Variants in SLC45A2 observed in about 807,000 individuals in gnomAD.
The protein encoded by SLC45A2 is solute carrier family 45 member 2.
A neutral mutation model predicts 45.5 loss-of-function variants in SLC45A2; 36 were observed. The ratio of observed to expected loss-of-function variants is 0.79; its 90% confidence interval spans 0.61 to 1.04. SLC45A2 has a LOEUF of 1.04. Ranked by LOEUF, SLC45A2 falls within the 50% of genes least tolerant of loss-of-function variation. SLC45A2 has a pLI of 0.00. For missense variants in SLC45A2, 719 were observed against 671.0 expected (o/e 1.07, Z -0.79); for synonymous variants, 306 against 269.3 (o/e 1.14, Z -1.33).
At position 33,954,344 on chromosome 5, in the gene SLC45A2, A is replaced by G; in HGVS notation, c.1032+17T>C. 6.2e-7 allele frequency: 1 copy of G among 1,613,952 alleles called. No individual in the cohort carries two copies. The highest frequency in any genetic ancestry group is 1.1e-5 in the South Asian group (1 of 91,078). ...ATGATGTGTAACAGTGATTGTGTGC[A>G]CAGACACGTTCATTACCTGGCCCAT... On this transcript the variant is annotated intron_variant, in intron 4 of 6. Coordinates refer to ENST00000296589, the MANE Select transcript of SLC45A2 (RefSeq NM_016180.5).
intron 2 of SLC45A2, among the ~76,000 whole-genome samples, chr5:33,971,778 C>A (rs558730320): frequency 1.3e-5 from 2 of 152,106 alleles, no homozygotes; most frequent in Non-Finnish European, 2.9e-5. Context: ...AGGCATGCAC[C>A]CCCATGCCTG....
intron 2 of SLC45A2, 81 bp from the exon 3 acceptor site, chr5:33,964,097 G>C: frequency 2.8e-6 from 4 of 1,452,804 alleles, no homozygotes; most frequent in Non-Finnish European, 3.8e-6. Flanking sequence ...CCCCTTCAGT[G>C]GGAAAACTCC....
intron 2 of SLC45A2, among the ~76,000 whole-genome samples, chr5:33,969,065 C>CTCTCTCTCTCTCTCTGTGTGTG: frequency 2.0e-4 from 21 of 102,466 alleles, no homozygotes; most frequent in East Asian, 5.0e-4. Flanking sequence ...CTCTCTCTCT[C>CTCTCTCTCTCTCTCTGTGTGTG]TGTGTGTGTG....
chr5:33,973,520 A>G (rs16892046), intron 2 of SLC45A2, among the ~76,000 whole-genome samples: 1 of 152,176 alleles, frequency 6.6e-6, no homozygotes, highest in African/African-American at 2.4e-5. Flanking sequence ...TCCTCTGTGT[A>G]AAAGGTTTAG....
intron 2 of SLC45A2, chr5:33,970,873 C>T (rs1752756628): frequency 1.7e-5 from 6 of 349,108 alleles, no homozygotes; most frequent in South Asian, 1.4e-4. Context: ...ATGGTGGACC[C>T]TAGAGATAAG....
intron 6 of SLC45A2, chr5:33,946,479 C>T: frequency 1.0e-6 from 1 of 985,620 alleles, no homozygotes; most frequent in Non-Finnish European, 1.2e-6. Flanking sequence ...AAGAAAGTTG[C>T]AAATTTTGAT....
intron 2 of SLC45A2, among the ~76,000 whole-genome samples, chr5:33,973,980 G>A (rs543890024): frequency 2.0e-5 from 3 of 152,324 alleles, no homozygotes; most frequent in African/African-American, 7.2e-5. Flanking sequence ...AGCTGAACAG[G>A]GCTGGCCTTT....
chr5:33,951,479 CAT>C (rs775332665), intron 5 of SLC45A2, 73 bp downstream of exon 5: 16 of 1,610,218 alleles, frequency 9.9e-6, no homozygotes, highest in Non-Finnish European at 1.4e-5. Flanking sequence ...AGGAAATACA[CAT>C]AGAAATATCA....
intron 3 of SLC45A2, among the ~76,000 whole-genome samples, chr5:33,956,090 C>A (rs1752268053): frequency 6.6e-6 from 1 of 152,096 alleles, no homozygotes; most frequent in African/African-American, 2.4e-5. Context: ...CTTGTTTATG[C>A]CCTAATTGAA....
intron 6 of SLC45A2, among the ~76,000 whole-genome samples, chr5:33,945,124 T>C (rs1417307255): frequency 6.6e-6 from 1 of 152,230 alleles, no homozygotes; most frequent in Non-Finnish European, 1.5e-5. Context: ...CATGAATTGG[T>C]GATGTGGAAC....
intron 2 of SLC45A2, among the ~76,000 whole-genome samples, chr5:33,969,084 T>TGTGA (rs1752702137): frequency 4.0e-5 from 6 of 151,122 alleles, no homozygotes; most frequent in Admixed American, 6.6e-5. Flanking sequence ...TGTGTGTGTG[T>TGTGA]GTGTGTGTGT....
intron 5 of SLC45A2, 141 bp from the exon 6 acceptor site, chr5:33,947,515 G>T (rs1489582349): frequency 3.5e-6 from 3 of 852,448 alleles, no homozygotes; most frequent in Non-Finnish European, 3.7e-6. Flanking sequence ...CCCCTTATCT[G>T]TGGGTTGAAA....
chr5:33,946,903 G>T, intron 6 of SLC45A2: 2 of 1,406,906 alleles, frequency 1.4e-6, no homozygotes, highest in South Asian at 3.2e-5. Flanking sequence ...TTTCTAATTA[G>T]AAAAATGGGA....
At position 33,946,383 on chromosome 5, in the gene SLC45A2, A is replaced by T. The variant is rs78855057; in HGVS notation, c.1368+780T>A. ...ATATGTTCAGTGTTTTTGCAGTTTC[A>T]TGCTGAGCTGGATTAAACTTGGAGT... is the stretch of plus-strand genomic sequence containing the variant. On this transcript the variant is annotated intron_variant, in intron 6 of 6. Coordinates refer to ENST00000296589, the MANE Select transcript of SLC45A2 (RefSeq NM_016180.5). The T allele has an allele frequency of 6.2e-5, 61 of 985,550 alleles. No homozygotes were observed. The African/African-American group carries it at 1.0e-3, about 16-fold the overall frequency. The allele number at this position is 985,550 out of a possible 1,614,324, so 61.1% of individuals were successfully genotyped here.
chr5:33,951,502 G>A, intron 5 of SLC45A2, 52 bp downstream of exon 5: 1 of 1,612,828 alleles, frequency 6.2e-7, no homozygotes. Context: ...AATCCAAGTT[G>A]TGCTAGACCA....
At chr5:33,982,052 A>T (rs1376282788) in intron 2 of SLC45A2, among the ~76,000 whole-genome samples, 184 bp downstream of exon 2, 1 of 152,272 alleles carries the variant, frequency 6.6e-6, no homozygotes, top group Non-Finnish European at 1.5e-5. Flanking sequence ...CAGAAACTGC[A>T]GCACTAGTCA....
intron 2 of SLC45A2, among the ~76,000 whole-genome samples, chr5:33,970,051 A>G (rs1472181737): frequency 6.6e-6 from 1 of 152,188 alleles, no homozygotes; most frequent in Non-Finnish European, 1.5e-5. Flanking sequence ...ACCAGGGAGC[A>G]CAGGGCACAA....
intron 6 of SLC45A2, chr5:33,946,447 A>G: frequency 1.0e-6 from 1 of 985,720 alleles, no homozygotes; most frequent in Non-Finnish European, 1.2e-6. Flanking sequence ...CAGTTAAGGA[A>G]CTATAAGCCT....
chr5:33,945,609 A>C (rs1213393180), intron 6 of SLC45A2, among the ~76,000 whole-genome samples: 8 of 152,020 alleles, frequency 5.3e-5, no homozygotes, highest in Non-Finnish European at 5.9e-5. Context: ...TATTATCATT[A>C]CCCCCATGGT....
Sources: gnomAD v4.1 joint callset for allele counts (sites outside exome capture counted in the v4.1 genomes callset) on GRCh38, gnomAD v4.1.1 for gene constraint, MANE v1.5 for transcripts, NCBI Gene and HGNC (gene_info 2026-07-23, HGNC 2026-07-21) for gene names.